Variants in CTNNA3 observed in about 807,000 individuals in gnomAD.
CTNNA3 encodes catenin alpha 3.
CTNNA3 carries 76 observed loss-of-function variants against 95.7 expected under a neutral mutation model. The observed-to-expected ratio is 0.79, with a 90% CI of 0.66 to 0.96. The LOEUF (loss-of-function observed/expected upper bound fraction) is 0.96. CTNNA3 is among the 40% of genes least tolerant of loss of function. The probability of loss-of-function intolerance (pLI) is 0.00; values close to 1 mark genes in which losing one functional copy is unlikely to be tolerated. For synonymous variants in CTNNA3, 431 were observed against 374.4 expected, an observed-to-expected ratio of 1.15 and a Z score of -1.74; for missense variants, 1,191 against 1,089.8, an observed-to-expected ratio of 1.09 and a Z score of -1.31.
At chr10:66,302,398 A>T (rs2091874480) in intron 12 of CTNNA3, among the ~76,000 whole-genome samples, 1 of 152,138 alleles carries the variant, frequency 6.6e-6, no homozygotes, top group Non-Finnish European at 1.5e-5. Context: ...TAGAGGACTG[A>T]CACTACCTGA....
chr10:66,727,949 T>G (rs951395477), intron 9 of CTNNA3, among the ~76,000 whole-genome samples: 3 of 152,216 alleles, frequency 2.0e-5, no homozygotes, highest in Admixed American at 1.3e-4. Flanking sequence ...AGCCACATTT[T>G]TAATATAAAA....
intron 7 of CTNNA3, among the ~76,000 whole-genome samples, chr10:67,168,811 C>G (rs979452632): frequency 6.6e-6 from 1 of 152,152 alleles, no homozygotes; most frequent in African/African-American, 2.4e-5. Flanking sequence ...AAATAAAGGG[C>G]ATCCAAATAG....
chr10:67,225,187 T>C (rs1405537529), intron 5 of CTNNA3, among the ~76,000 whole-genome samples: 1 of 152,092 alleles, frequency 6.6e-6, no homozygotes, highest in African/African-American at 2.4e-5. Flanking sequence ...CCTGGGAATC[T>C]CACTCCCACC....
At chr10:66,812,570 C>T (rs935025909) in intron 7 of CTNNA3, among the ~76,000 whole-genome samples, 1 of 152,100 alleles carries the variant, frequency 6.6e-6, no homozygotes, top group Non-Finnish European at 1.5e-5. Flanking sequence ...CCTCAGTTTC[C>T]TCCTTGTAAA....
intron 11 of CTNNA3, among the ~76,000 whole-genome samples, chr10:66,449,956 G>C (rs550168144): frequency 1.1e-4 from 16 of 151,994 alleles, no homozygotes; most frequent in Admixed American, 8.5e-4. Context: ...TGCCTACTGG[G>C]GAATAAAATT....
intron 7 of CTNNA3, among the ~76,000 whole-genome samples, chr10:66,934,103 C>T (rs1847559080): frequency 6.6e-6 from 1 of 151,910 alleles, no homozygotes; most frequent in South Asian, 2.1e-4. Flanking sequence ...TGATATAAGA[C>T]CAAGCAAGTA....
chr10:67,601,362 A>G (rs1589474561), intron 3 of CTNNA3, among the ~76,000 whole-genome samples: 1 of 152,276 alleles, frequency 6.6e-6, no homozygotes, highest in Admixed American at 6.5e-5. Context: ...AAGAGCACAC[A>G]AACTAGGTCC....
chr10:66,881,638 G>A (rs550168891), intron 7 of CTNNA3, among the ~76,000 whole-genome samples: 1 of 151,998 alleles, frequency 6.6e-6, no homozygotes, highest in Admixed American at 6.6e-5. Flanking sequence ...GGGCCCTTGG[G>A]TATAGGCTTT....
In CTNNA3 at chr10:67,668,882, G is replaced by A. The variant is rs1011421290; in HGVS notation, c.-5-21364C>T. 1.2e-4 allele frequency among the ~76,000 whole-genome samples: 16 copies of A among 130,464 alleles called. No individual in the cohort carries two copies. The South Asian group carries it at 2.9e-3, about 24-fold the overall frequency. 85.6% of individuals were successfully genotyped at this position (130,464 alleles called of 152,430 possible). On this transcript the variant is annotated intron_variant, in intron 1 of 17. Transcript: ENST00000433211. ...GAGACGGAGTCTCACACTGTCACCCGGGCTGGAGTGCAATGGCGTGATCTC... is the reference window on the plus strand; with the variant it reads ...GAGACGGAGTCTCACACTGTCACCCAGGCTGGAGTGCAATGGCGTGATCTC...
intron 7 of CTNNA3, among the ~76,000 whole-genome samples, chr10:66,852,673 AAC>A (rs1225037716): frequency 6.6e-6 from 1 of 152,172 alleles, no homozygotes; most frequent in Non-Finnish European, 1.5e-5. Context: ...CATATTTTCT[AAC>A]ACATATACTC....
At chr10:66,230,714 A>G (rs1250347924) in intron 13 of CTNNA3, among the ~76,000 whole-genome samples, 2 of 152,066 alleles carry the variant, frequency 1.3e-5, no homozygotes, top group African/African-American at 4.8e-5. Flanking sequence ...TTTTGGATGA[A>G]GCAGGGTCCC....
intron 10 of CTNNA3, among the ~76,000 whole-genome samples, chr10:66,608,672 A>G (rs1844218089): frequency 6.6e-6 from 1 of 152,096 alleles, no homozygotes; most frequent in African/African-American, 2.4e-5. Flanking sequence ...AAAACTGACA[A>G]AAAACAAGCA....
intron 10 of CTNNA3, among the ~76,000 whole-genome samples, chr10:66,539,048 T>C (rs1012638161): frequency 1.3e-5 from 2 of 152,182 alleles, no homozygotes; most frequent in African/African-American, 4.8e-5. Flanking sequence ...GTTATTGTCA[T>C]AATTATATTA....
At chr10:66,382,446 G>T (rs2092848687) in intron 11 of CTNNA3, among the ~76,000 whole-genome samples, 1 of 151,954 alleles carries the variant, frequency 6.6e-6, no homozygotes, top group South Asian at 2.1e-4. Context: ...ACTAGGTGGA[G>T]CCCACCGAGC....
intron 5 of CTNNA3, among the ~76,000 whole-genome samples, chr10:67,461,543 A>C (rs962946622): frequency 2.0e-5 from 3 of 152,180 alleles, no homozygotes; most frequent in Non-Finnish European, 4.4e-5. Flanking sequence ...CAATCTCACT[A>C]TTTGCAATTT....
chr10:67,433,266 G>A (rs1846177621), intron 5 of CTNNA3, among the ~76,000 whole-genome samples: 1 of 152,022 alleles, frequency 6.6e-6, no homozygotes, highest in African/African-American at 2.4e-5. Flanking sequence ...AGGCTGGTTA[G>A]TAGAGCAGTC....
chr10:66,001,033 T>C (rs758126109), intron 15 of CTNNA3, among the ~76,000 whole-genome samples: 1 of 152,096 alleles, frequency 6.6e-6, no homozygotes, highest in Non-Finnish European at 1.5e-5. Flanking sequence ...GGGTTAAATA[T>C]AGGTGATGGG....
chr10:66,779,663 G>C (rs1433351485), intron 7 of CTNNA3, among the ~76,000 whole-genome samples: 1 of 152,162 alleles, frequency 6.6e-6, no homozygotes, highest in East Asian at 1.9e-4. Context: ...ACCTGGCCTG[G>C]TTATGGACCT....
At chr10:66,685,741 T>A (rs982317483) in intron 9 of CTNNA3, among the ~76,000 whole-genome samples, 1 of 152,024 alleles carries the variant, frequency 6.6e-6, no homozygotes, top group African/African-American at 2.4e-5. Flanking sequence ...GAACAATTTT[T>A]ATGTATCTGT....
Sources: gnomAD v4.1 joint callset for allele counts (sites outside exome capture counted in the v4.1 genomes callset) on GRCh38, gnomAD v4.1.1 for gene constraint, MANE v1.5 for transcripts, NCBI Gene and HGNC (gene_info 2026-07-23, HGNC 2026-07-21) for gene names.